SHANK2: variants seen among roughly 807,000 people sequenced by gnomAD.
The protein encoded by SHANK2 is SH3 and multiple ankyrin repeat domains 2.
Under a neutral mutation model 133.7 loss-of-function variants are expected in SHANK2, and 43 were observed. That is an observed-to-expected ratio of 0.32 (90% CI 0.25 to 0.41). SHANK2 has a LOEUF of 0.41. Ranked by LOEUF, SHANK2 falls within the 10% of genes least tolerant of loss-of-function variation. The pLI is 1.00. For synonymous variants in SHANK2, 1,017 were observed against 952.8 expected (o/e 1.07, Z -1.24); for missense variants, 1,994 against 2,235.8 (o/e 0.89, Z 2.18).
At chr11:70,671,086 CA>C (rs1944794351) in intron 15 of SHANK2, among the ~76,000 whole-genome samples, 1 of 152,210 alleles carries the variant, frequency 6.6e-6, no homozygotes, top group African/African-American at 2.4e-5. Flanking sequence ...CAATAATGTA[CA>C]AAGAACTTGA....
chr11:70,700,220 A>G (rs969105403), intron 14 of SHANK2, among the ~76,000 whole-genome samples: 14 of 152,176 alleles, frequency 9.2e-5, no homozygotes, highest in African/African-American at 3.4e-4. Flanking sequence ...AAACAGCCAC[A>G]TCATCACCAT....
chr11:71,108,438 G>GCC (rs1173402406), intron 6 of SHANK2, among the ~76,000 whole-genome samples: 1 of 152,034 alleles, frequency 6.6e-6, no homozygotes, highest in African/African-American at 2.4e-5. Flanking sequence ...CTGCCCACCT[G>GCC]CCCTCCAGAT....
At chr11:70,832,458 G>A (rs1215460163) in intron 11 of SHANK2, among the ~76,000 whole-genome samples, 1 of 152,204 alleles carries the variant, frequency 6.6e-6, no homozygotes, top group Admixed American at 6.5e-5. Context: ...CTTGGGGCAT[G>A]TTGTGGAGCC....
chr11:70,826,493 A>G (rs1555057234), intron 11 of SHANK2: 1 of 471,024 alleles, frequency 2.1e-6, no homozygotes, highest in Non-Finnish European at 4.4e-6. Flanking sequence ...GGCATTTAAC[A>G]AAGACTTCAT....
intron 11 of SHANK2, among the ~76,000 whole-genome samples, chr11:70,877,916 A>T (rs1218089537): frequency 6.6e-6 from 1 of 152,224 alleles, no homozygotes; most frequent in Non-Finnish European, 1.5e-5. Context: ...TTTGTCAAGC[A>T]CCTACCAGGT....
chr11:71,192,270 T>C (rs530396880), intron 2 of SHANK2, among the ~76,000 whole-genome samples: 3 of 152,276 alleles, frequency 2.0e-5, no homozygotes, highest in South Asian at 4.2e-4. Context: ...TCTGTGGTAG[T>C]GGGGGTTACA....
Position 71,101,990 on chromosome 11 carries a change from C to G in SHANK2, c.593-7302G>C, listed in dbSNP as rs184614214. Among the ~76,000 whole-genome samples, 11 of 152,264 alleles carry G rather than the reference C, an allele frequency of 7.2e-5. No homozygotes were observed. In the South Asian group the frequency reaches 2.3e-3, roughly 32 times the overall value. On this transcript the variant is annotated intron_variant, in intron 6 of 25. Coordinates refer to ENST00000601538, the MANE Select transcript of SHANK2 (RefSeq NM_012309.5). ...ACAGGTGCTCTGCAGAATCTGGATC[C>G]GTAAAGGAACCATCTCTTTTTGACC...
At position 70,500,702 on chromosome 11, in the gene SHANK2, T is replaced by C; in HGVS notation, c.2288-112A>G. ...CCTCAGGAGCAGGCTGGGCCGGCAA[T>C]GGGGCGGCAGGCAGGGGCTGTCTGG... is the stretch of plus-strand genomic sequence containing the variant. On this transcript the variant is annotated intron_variant, in intron 20 of 25. Transcript: ENST00000601538. This position sits in a 1 kb window ranked among gnomAD's most constrained non-coding sequence, Gnocchi z 4.5. 2.8e-6 allele frequency: 4 copies of C among 1,424,596 alleles called. No homozygotes were observed. The highest frequency in any genetic ancestry group is 9.7e-7 in the Non-Finnish European group (1 of 1,030,992). 88.2% of individuals were successfully genotyped at this position (1,424,596 alleles called of 1,614,324 possible).
intron 17 of SHANK2, among the ~76,000 whole-genome samples, chr11:70,544,402 C>A (rs1024960416): frequency 6.6e-6 from 1 of 152,216 alleles, no homozygotes; most frequent in African/African-American, 2.4e-5. Context: ...CATTGTTTAG[C>A]CTGGGGTTTG....
chr11:70,739,960 G>C lies in SHANK2; in HGVS notation c.1778-41197C>G, dbSNP rs1179469996. Among the ~76,000 whole-genome samples the C allele has an allele frequency of 6.6e-6, 1 of 152,226 alleles. No homozygotes were observed. Among genetic ancestry groups the C allele is most frequent in the Non-Finnish European group, 1.5e-5 (1 of 68,046 alleles). ...AGGTAGGGCACAGAAGTCCAGCTTG[G>C]CTCCTTCGCCATCAGGAGACCTTGG... On this transcript the variant is annotated intron_variant, in intron 14 of 25. Transcript: ENST00000601538. The surrounding 1 kb of genome is among the most constrained non-coding windows in gnomAD (Gnocchi z 4.3).
At chr11:70,890,737 T>C (rs7394900) in intron 11 of SHANK2, among the ~76,000 whole-genome samples, 135,473 of 149,320 alleles carry the variant, frequency 0.91, 62,203 homozygotes, top group Non-Finnish European at 0.98. Flanking sequence ...AGGCAGAGGC[T>C]GCAGTGAGCC....
At chr11:70,738,118 T>A (rs1381828283) in intron 14 of SHANK2, among the ~76,000 whole-genome samples, 1 of 152,246 alleles carries the variant, frequency 6.6e-6, no homozygotes, top group Non-Finnish European at 1.5e-5. Flanking sequence ...AGCCCCGAAA[T>A]CTGTCCTGAC....
intron 17 of SHANK2, among the ~76,000 whole-genome samples, chr11:70,580,917 T>A (rs1381039145): frequency 5.3e-5 from 8 of 152,210 alleles, no homozygotes; most frequent in African/African-American, 1.9e-4. Context: ...CGTGTGGGTA[T>A]ACACCCCACA....
In SHANK2 at chr11:70,700,060, A is replaced by G. The variant is rs1448734169; in HGVS notation, c.1778-1297T>C. Reference sequence around the variant, plus strand: ...TGCCCTGGACTCTTACGTAAGCAAGAGTTTCATTTCTACCACATTAGGCTG... The same window carrying G: ...TGCCCTGGACTCTTACGTAAGCAAGGGTTTCATTTCTACCACATTAGGCTG... On this transcript the variant is annotated intron_variant, in intron 14 of 25. Transcript: ENST00000601538. Among the ~76,000 whole-genome samples the G allele has an allele frequency of 2.0e-5, 3 of 152,170 alleles. No individual in the cohort carries two copies. In the East Asian group the frequency reaches 5.8e-4, roughly 29 times the overall value.
intron 2 of SHANK2, among the ~76,000 whole-genome samples, chr11:71,222,600 C>T (rs1555121408): frequency 6.6e-6 from 1 of 152,222 alleles, no homozygotes; most frequent in African/African-American, 2.4e-5. Flanking sequence ...TGCCCCAGCC[C>T]CGGGAGAGAG....
At position 70,472,366 on chromosome 11, in the gene SHANK2, AG is replaced by A. The variant is rs748231978; in HGVS notation, c.*502del. 43 of 172,640 alleles carry A rather than the reference AG, an allele frequency of 2.5e-4. No individual in the cohort carries two copies. Among genetic ancestry groups the A allele is most frequent in the Non-Finnish European group, 5.1e-4 (41 of 80,176 alleles). 10.7% of individuals were successfully genotyped at this position (172,640 alleles called of 1,614,324 possible). A position where few individuals can be genotyped will look rare whatever the true frequency, so the allele number is the denominator to read the frequency against. On this transcript the variant is annotated 3_prime_UTR_variant, in exon 26 of 26. Transcript: ENST00000601538. The surrounding 1 kb of genome is among the most constrained non-coding windows in gnomAD (Gnocchi z 4.4). ...TCTGGGAGCATCTCACTGCAAGCCA[AG>A]TGCAGGAGAAAGAGGGGCAGGTGAG... is the stretch of plus-strand genomic sequence containing the variant.
At chr11:70,880,893 C>T (rs187845385) in intron 11 of SHANK2, among the ~76,000 whole-genome samples, 239 of 152,326 alleles carry the variant, frequency 1.6e-3, no homozygotes, top group Non-Finnish European at 3.0e-3. Flanking sequence ...GGGGATTTCT[C>T]GCTGGGTCTG....
intron 3 of SHANK2, among the ~76,000 whole-genome samples, chr11:71,131,242 G>A (rs1405117798): frequency 1.3e-5 from 2 of 152,218 alleles, no homozygotes; most frequent in African/African-American, 2.4e-5. Context: ...TTGGGCTGGT[G>A]CTCGTGGTGG....
chr11:70,698,897 T>G (rs1443556305), intron 14 of SHANK2, 134 bp from the exon 15 acceptor site: 2 of 697,014 alleles, frequency 2.9e-6, no homozygotes, highest in Non-Finnish European at 5.3e-6. Flanking sequence ...GGGAAGAGTC[T>G]GGAGGAAAAT....
Sources: allele counts gnomAD v4.1 joint callset (sites outside exome capture counted in the v4.1 genomes callset), GRCh38; gene constraint gnomAD v4.1.1; non-coding constraint Gnocchi (gnomAD v3.1); transcripts MANE v1.5; gene names NCBI Gene and HGNC (gene_info 2026-07-23, HGNC 2026-07-21).